The following PLIN1 variants were observed in gnomAD, a reference collection of about 807,000 sequenced individuals.
PLIN1 encodes perilipin 1.
A neutral mutation model predicts 45.8 loss-of-function variants in PLIN1; 37 were observed. The ratio of observed to expected loss-of-function variants is 0.81; its 90% confidence interval spans 0.62 to 1.06. PLIN1 has a LOEUF of 1.06. PLIN1 is among the 50% of genes least tolerant of loss of function. The pLI, the probability that PLIN1 is intolerant of heterozygous loss-of-function variation, is 0.00. For synonymous variants in PLIN1, 340 were observed against 309.2 expected, an observed-to-expected ratio of 1.10 and a Z score of -1.05; for missense variants, 776 against 716.5, an observed-to-expected ratio of 1.08 and a Z score of -0.95.
At chr15:89,666,374 T>C (rs1422171755) in intron 8 of PLIN1, among the ~76,000 whole-genome samples, 1 of 152,078 alleles carries the variant, frequency 6.6e-6, no homozygotes, top group Non-Finnish European at 1.5e-5. Flanking sequence ...CCCACCCCCT[T>C]ACCAGCTCTA....
At chr15:89,676,364 C>T (rs545483455) in intron 2 of PLIN1, among the ~76,000 whole-genome samples, 1 of 152,328 alleles carries the variant, frequency 6.6e-6, no homozygotes, top group African/African-American at 2.4e-5. Flanking sequence ...TCTCCTGCCT[C>T]AGTCTCCCAA....
chr15:89,676,455 G>C (rs373043489), intron 2 of PLIN1, among the ~76,000 whole-genome samples: 1 of 152,094 alleles, frequency 6.6e-6, no homozygotes, highest in Non-Finnish European at 1.5e-5. Flanking sequence ...CACTGTGTTA[G>C]CCAGGATGGT....
chr15:89,677,491 C>G lies in PLIN1; in HGVS notation c.-2G>C. ...GGTGAGGCCTTTGTTGACTGCCATC[C>G]TCGCTCCTCAAGCTGCAAAACAGAG... is the stretch of plus-strand genomic sequence containing the variant. On this transcript the variant is annotated 5_prime_UTR_variant, in exon 2 of 9. Transcript: ENST00000300055. The G allele has an allele frequency of 6.2e-7, 1 of 1,614,024 alleles. No homozygotes were observed. Among genetic ancestry groups the G allele is most frequent in the Middle Eastern group, 1.6e-4 (1 of 6,062 alleles).
chr15:89,665,645 G>T lies in PLIN1; in HGVS notation c.1507C>A (p.Pro503Thr). Reference sequence around the variant, plus strand: ...CCCAGGATGGGCTCCATGACGCTGGGCCGGAAGAAGCTGTCGCTGACCCTG... The same window carrying T: ...CCCAGGATGGGCTCCATGACGCTGGTCCGGAAGAAGCTGTCGCTGACCCTG... ...KRRVSDSFFR[P>T]SVMEPILGRT... Residue 503 changes from proline (P) to threonine (T), a missense_variant, in exon 9 of 9, where the codon CCC becomes ACC. Coordinates refer to ENST00000300055, the MANE Select transcript of PLIN1 (RefSeq NM_002666.5). 6.6e-7 allele frequency: 1 copy of T among 1,505,236 alleles called. No individual in the cohort carries two copies. The allele number at this position is 1,505,236 out of a possible 1,614,324, so 93.2% of individuals were successfully genotyped here.
chr15:89,677,870 C>T (rs1459985534), intron 1 of PLIN1: 3 of 191,894 alleles, frequency 1.6e-5, no homozygotes, highest in South Asian at 2.3e-4. Flanking sequence ...CCTGCCTCAG[C>T]CTCCCAAGTA....
intron 1 of PLIN1, chr15:89,677,753 C>A: frequency 1.3e-5 from 5 of 392,210 alleles, no homozygotes; most frequent in East Asian, 4.6e-5. Flanking sequence ...TTCTTTCTTT[C>A]TTTTTTTTTT....
At chr15:89,674,645 C>G (rs934667447) in intron 2 of PLIN1, among the ~76,000 whole-genome samples, 16 of 152,164 alleles carry the variant, frequency 1.1e-4, no homozygotes, top group Non-Finnish European at 2.1e-4. Flanking sequence ...GCCTCCACCC[C>G]CCTGTTCCAC....
chr15:89,677,656 C>T, intron 1 of PLIN1, 153 bp from the exon 2 acceptor site: 1 of 744,344 alleles, frequency 1.3e-6, no homozygotes, highest in Admixed American at 1.8e-5. Flanking sequence ...GTGAATATCA[C>T]ACACAATAGC....
intron 2 of PLIN1, among the ~76,000 whole-genome samples, chr15:89,675,422 CAAAAAAAAAAAA>C (rs71151523): frequency 3.2e-5 from 2 of 62,584 alleles, no homozygotes; most frequent in Non-Finnish European, 5.8e-5. Context: ...CTCTGAGCCA[CAAAAAAAAAAAA>C]AAAAAAAAAA....
At position 89,673,289 on chromosome 15, in the gene PLIN1, G is replaced by A. The variant is rs771483062; in HGVS notation, c.171C>T (p.Ala57=). 2.5e-6 allele frequency: 4 copies of A among 1,585,508 alleles called. No individual in the cohort carries two copies. The highest frequency in any genetic ancestry group is 1.2e-5 in the South Asian group (1 of 86,888). The change falls in exon 3 of 9, where the codon GCC becomes GCT. Residue 57 remains alanine, a synonymous_variant. Transcript: ENST00000300055. ...AHPLVASVCN[A]YEKGVQSASS... is the part of the protein sequence containing the mutation. ...TGGCGCTCTGCACGCCCTTCTCATA[G>A]GCATTGCACACAGAGGCCACCAGGG...
chr15:89,674,282 G>A (rs955126931), intron 2 of PLIN1, among the ~76,000 whole-genome samples: 1 of 152,036 alleles, frequency 6.6e-6, no homozygotes, highest in African/African-American at 2.4e-5. Flanking sequence ...ATAGAGACAG[G>A]GTTTCACTCT....
At position 89,673,099 on chromosome 15, in the gene PLIN1, G is replaced by A. The variant is rs375133889; in HGVS notation, c.250+111C>T. 2.3e-5 allele frequency: 19 copies of A among 811,792 alleles called. 1 individual carries two copies. The African/African-American group carries it at 3.0e-4, about 13-fold the overall frequency. 50.3% of individuals were successfully genotyped at this position (811,792 alleles called of 1,614,324 possible). ...CATGCAATGGGATGTGGGCAGTTAA[G>A]CAGACAGACAAGCAAGTTATCAGAC... On this transcript the variant is annotated intron_variant, in intron 3 of 8. Coordinates refer to ENST00000300055, the MANE Select transcript of PLIN1 (RefSeq NM_002666.5).
At chr15:89,677,701 C>T in intron 1 of PLIN1, 198 bp from the exon 2 acceptor site, 2 of 631,210 alleles carry the variant, frequency 3.2e-6, no homozygotes, top group East Asian at 5.2e-5. Context: ...ATGAGTTGCT[C>T]CATAGCTTAC....
chr15:89,667,162 G>A lies in PLIN1; in HGVS notation c.983C>T (p.Pro328Leu). 2 of 1,613,462 alleles carry A rather than the reference G, an allele frequency of 1.2e-6. No individual in the cohort carries two copies. The highest frequency in any genetic ancestry group is 1.7e-6 in the Non-Finnish European group (2 of 1,179,994). Reference sequence around the variant, plus strand: ...TGCCACACCACCCAGGAGGCCTCGAGGGCCTGGCAGGGCTGCTACCTGGGG... The same window carrying A: ...TGCCACACCACCCAGGAGGCCTCGAAGGCCTGGCAGGGCTGCTACCTGGGG... ...KFSEVAALPG[P>L]RGLLGGVAHT... Residue 328 changes from proline to leucine, a missense_variant, in exon 8 of 9, where the codon CCT becomes CTT. Physicochemically the swap from Pro to Leu is moderately conservative, Grantham distance 98. Coordinates refer to ENST00000300055, the MANE Select transcript of PLIN1 (RefSeq NM_002666.5).
intron 6 of PLIN1, among the ~76,000 whole-genome samples, chr15:89,669,092 C>T (rs1428743473): frequency 1.3e-5 from 2 of 152,000 alleles, no homozygotes; most frequent in Non-Finnish European, 2.9e-5. Context: ...GGGTTGTATA[C>T]TTTGTTTATT....
chr15:89,669,675 G>T lies in PLIN1; in HGVS notation c.599-3C>A, dbSNP rs533517449. The T allele has an allele frequency of 3.1e-6, 5 of 1,613,746 alleles. No individual in the cohort carries two copies. The Admixed American group carries it at 6.7e-5, about 22-fold the overall frequency. On this transcript the variant is annotated splice_region_variant and splice_polypyrimidine_tract_variant and intron_variant, in intron 5 of 8. Transcript: ENST00000300055. Reference sequence around the variant, plus strand: ...TTGCTGGTGTCCAGGAGCAGGGGCTGGGTAGGGATTTGGGGGGAAAGAAGA... The same window carrying T: ...TTGCTGGTGTCCAGGAGCAGGGGCTTGGTAGGGATTTGGGGGGAAAGAAGA...
Position 89,678,407 on chromosome 15 carries a change from G to A in PLIN1, c.-15+844C>T, listed in dbSNP as rs529139896. On this transcript the variant is annotated intron_variant, in intron 1 of 8. Transcript: ENST00000300055. ...CAGCTGTAATCCCAGCTACTTGGGAGGCTGAGGCAGGAGGATCGCTTGAGC... is the reference window on the plus strand; with the variant it reads ...CAGCTGTAATCCCAGCTACTTGGGAAGCTGAGGCAGGAGGATCGCTTGAGC... Among the ~76,000 whole-genome samples, 15 of 151,948 alleles carry A rather than the reference G, an allele frequency of 9.9e-5. 1 individual carries two copies. In the South Asian group the frequency reaches 3.1e-3, roughly 32 times the overall value.
chr15:89,666,813 G>A, intron 8 of PLIN1, 123 bp downstream of exon 8: 2 of 1,079,352 alleles, frequency 1.9e-6, no homozygotes, highest in Non-Finnish European at 2.8e-6. Flanking sequence ...GACTGGAGTG[G>A]GGGGCGGTCT....
Position 89,664,626 on chromosome 15 carries a change from T to A in PLIN1, c.*957A>T. On this transcript the variant is annotated 3_prime_UTR_variant, in exon 9 of 9. Transcript: ENST00000300055. The stretch of plus-strand genomic sequence containing the variant: ...AGCTTGTGTAAACACAAGCGGGGAG[T>A]GCATACACACGTGCCTGCAGGTGCA... The A allele has an allele frequency of 3.2e-6, 1 of 316,850 alleles. No homozygotes were observed. Among genetic ancestry groups the A allele is most frequent in the Non-Finnish European group, 6.2e-6 (1 of 160,230 alleles). 19.6% of individuals were successfully genotyped at this position (316,850 alleles called of 1,614,324 possible).
Sources: gnomAD v4.1 joint callset for allele counts (sites outside exome capture counted in the v4.1 genomes callset) on GRCh38, gnomAD v4.1.1 for gene constraint, MANE v1.5 for transcripts, NCBI Gene and HGNC (gene_info 2026-07-23, HGNC 2026-07-21) for gene names.